CSMD1: variants seen among roughly 807,000 people sequenced by gnomAD.
CSMD1 encodes the protein CUB and sushi domain-containing protein 1.
In CSMD1, 213 loss-of-function variants were observed where a neutral mutation model predicts 417.5. The observed-to-expected ratio is 0.51, with a 90% confidence interval of 0.46 to 0.57. The LOEUF (loss-of-function observed/expected upper bound fraction) is 0.57. Ranked by LOEUF, CSMD1 falls within the 20% of genes least tolerant of loss-of-function variation. The pLI is 0.00. For synonymous variants in CSMD1, 2,862 were observed against 1,736.8 expected (o/e 1.65, Z -16.11); for missense variants, 6,923 against 4,529.7 (o/e 1.53, Z -15.17).
intron 46 of CSMD1, among the ~76,000 whole-genome samples, chr8:3,105,871 A>G (rs1407890650): frequency 6.6e-6 from 1 of 152,254 alleles, no homozygotes; most frequent in Non-Finnish European, 1.5e-5. Flanking sequence ...GTAAGTTTTC[A>G]TAGCGGAAGC....
rs1478791838 is a variant in CSMD1, at chr8:2,965,909, A to G, written c.9146T>C (p.Phe3049Ser). Residue 3049 changes from phenylalanine (F) to serine (S), a missense_variant, in exon 59 of 70, where the codon TTT (phenylalanine) becomes TCT (serine). Physicochemically the swap from Phe to Ser is radical, Grantham distance 155 (BLOSUM62 -2). Transcript: ENST00000635120. ...CTTGTTGAAGGTGAAGTCGGTCCCA[A>G]ACTGGATGCCATTTGCTAGTGTGCC... ...DPGTLANGIQ[F>S]GTDFTFNKTV... 6.2e-7 allele frequency: 1 copy of G among 1,610,354 alleles called. No individual in the cohort carries two copies. Among genetic ancestry groups the G allele is most frequent in the Non-Finnish European group, 8.5e-7 (1 of 1,178,390 alleles).
intron 3 of CSMD1, among the ~76,000 whole-genome samples, chr8:4,275,707 T>C (rs1796446435): frequency 6.6e-6 from 1 of 152,204 alleles, no homozygotes; most frequent in African/African-American, 2.4e-5. Context: ...TAATACTCAG[T>C]GTGATTCCAT....
intron 69 of CSMD1, 42 bp downstream of exon 69, chr8:2,942,430 T>C (rs1459627666): frequency 6.3e-7 from 1 of 1,575,268 alleles, no homozygotes; most frequent in Non-Finnish European, 8.7e-7. Flanking sequence ...ACCCATAGTT[T>C]ACACTCACAA....
chr8:3,308,714 G>A (rs898810955), intron 23 of CSMD1, among the ~76,000 whole-genome samples: 1 of 132,182 alleles, frequency 7.6e-6, no homozygotes, highest in Non-Finnish European at 1.6e-5. Context: ...CATCTTATTT[G>A]TTCCTCCCTA....
At chr8:4,109,874 T>C (rs1291757648) in intron 3 of CSMD1, among the ~76,000 whole-genome samples, 3 of 152,180 alleles carry the variant, frequency 2.0e-5, no homozygotes, top group Non-Finnish European at 2.9e-5. Flanking sequence ...ACAGTCATTG[T>C]GCTTTTTCTC....
rs924421750 is a variant in CSMD1 at position 4,934,736 on chromosome 8, AAACT to A, written c.85+59592_85+59595del. On this transcript the variant is annotated intron_variant, in intron 1 of 69. Coordinates refer to ENST00000635120, the MANE Select transcript of CSMD1 (RefSeq NM_033225.6). ...AGTTTTCATCCATCTATATATCTATAAACTATCTATATCTATCTACCTACCTATA... is the reference window on the plus strand; with the variant it reads ...AGTTTTCATCCATCTATATATCTATAATCTATATCTATCTACCTACCTATA... Among the ~76,000 whole-genome samples, 10 of 152,260 alleles carry A rather than the reference AAACT, an allele frequency of 6.6e-5. 1 individual carries two copies. The highest frequency in any genetic ancestry group is 2.2e-4 in the African/African-American group (9 of 41,550).
intron 52 of CSMD1, among the ~76,000 whole-genome samples, chr8:3,003,608 G>A (rs543999336): frequency 1.3e-4 from 20 of 152,252 alleles, no homozygotes; most frequent in Middle Eastern, 6.8e-3. Flanking sequence ...ATTTGTTGTG[G>A]GTTGCAATGT....
intron 5 of CSMD1, among the ~76,000 whole-genome samples, chr8:3,983,790 G>A (rs998175059): frequency 1.3e-5 from 2 of 152,150 alleles, no homozygotes; most frequent in African/African-American, 4.8e-5. Flanking sequence ...GCACGTCGCA[G>A]TTCTGATGGG....
At chr8:4,157,112 G>C (rs1054593353) in intron 3 of CSMD1, among the ~76,000 whole-genome samples, 2 of 152,186 alleles carry the variant, frequency 1.3e-5, no homozygotes, top group African/African-American at 4.8e-5. Flanking sequence ...TGCCTATCTT[G>C]TGGAAACCCT....
rs977644431 is a variant in CSMD1, at chr8:3,290,792, C to G, written c.3951-6446G>C. Among the ~76,000 whole-genome samples the G allele has an allele frequency of 3.4e-5, 5 of 148,192 alleles. No individual in the cohort carries two copies. In the East Asian group the frequency reaches 5.9e-4, roughly 17 times the overall value. ...GCCAACAGGGACAATTTGACTTCCT[C>G]TTTTCCTAATTGAATACTCTTTATT... On this transcript the variant is annotated intron_variant, in intron 25 of 69. Coordinates refer to ENST00000635120, the MANE Select transcript of CSMD1 (RefSeq NM_033225.6).
chr8:4,734,193 C>T (rs1283407231), intron 1 of CSMD1, among the ~76,000 whole-genome samples: 1 of 151,912 alleles, frequency 6.6e-6, no homozygotes, highest in Non-Finnish European at 1.5e-5. Flanking sequence ...AATATGTTTA[C>T]CTGGAAAATT....
intron 26 of CSMD1, among the ~76,000 whole-genome samples, chr8:3,253,003 C>T (rs760434169): frequency 7.9e-5 from 12 of 152,016 alleles, no homozygotes; most frequent in East Asian, 1.9e-4. Context: ...TTGATCTTTT[C>T]AAAAAACCAG....
rs1563152887 is a variant in CSMD1, at chr8:3,558,581, ATGGTGTCTCAATAGTACCC to A, written c.1344+16345_1344+16363del. On this transcript the variant is annotated intron_variant, in intron 10 of 69. Coordinates refer to ENST00000635120, the MANE Select transcript of CSMD1 (RefSeq NM_033225.6). ...CCCGTGTCCACTCCTGCAATGATGAATGGTGTCTCAATAGTACCCCGTGTCCACTCCTCCAATGATGAAT... is the reference window on the plus strand; with the variant it reads ...CCCGTGTCCACTCCTGCAATGATGAACGTGTCCACTCCTCCAATGATGAAT... Among the ~76,000 whole-genome samples the A allele has an allele frequency of 1.7e-4, 24 of 145,260 alleles. 1 individual carries two copies. In the South Asian group the frequency reaches 1.8e-3, roughly 11 times the overall value.
At chr8:4,178,477 C>A (rs941981079) in intron 3 of CSMD1, among the ~76,000 whole-genome samples, 1 of 151,158 alleles carries the variant, frequency 6.6e-6, no homozygotes, top group Non-Finnish European at 1.5e-5. Context: ...CAATATCATA[C>A]TGAATGGGCA....
chr8:3,949,928 G>C (rs538071775), intron 5 of CSMD1: 3 of 455,808 alleles, frequency 6.6e-6, no homozygotes, highest in Non-Finnish European at 1.3e-5. Flanking sequence ...GAGGCAGGAC[G>C]TGAAAACACA....
At chr8:3,421,156 G>T (rs1417083165) in intron 12 of CSMD1, among the ~76,000 whole-genome samples, 1 of 152,062 alleles carries the variant, frequency 6.6e-6, no homozygotes. Flanking sequence ...TAAATTGATG[G>T]GCAATTTCTT....
At chr8:3,412,672 C>G (rs73657849) in intron 12 of CSMD1, among the ~76,000 whole-genome samples, 1 of 152,110 alleles carries the variant, frequency 6.6e-6, no homozygotes, top group Admixed American at 6.5e-5. Flanking sequence ...CAAAGATGAT[C>G]CTTACAGAGT....
At chr8:4,737,299 G>A (rs1810305349) in intron 1 of CSMD1, among the ~76,000 whole-genome samples, 1 of 151,954 alleles carries the variant, frequency 6.6e-6, no homozygotes, top group Non-Finnish European at 1.5e-5. Flanking sequence ...AACACATGGA[G>A]ACATGGGGAG....
chr8:4,574,632 T>C (rs1799049850), intron 2 of CSMD1, among the ~76,000 whole-genome samples: 2 of 152,208 alleles, frequency 1.3e-5, no homozygotes, highest in Admixed American at 6.5e-5. Context: ...AATACATTAA[T>C]GGGAGACACT....
Sources: gnomAD v4.1 joint callset for allele counts (sites outside exome capture counted in the v4.1 genomes callset) on GRCh38, gnomAD v4.1.1 for gene constraint, MANE v1.5 for transcripts, NCBI Gene and HGNC (gene_info 2026-07-23, HGNC 2026-07-21) for gene names.